Variants in HS2ST1 observed in about 807,000 individuals in gnomAD.
The protein encoded by HS2ST1 is heparan sulfate 2-O-sulfotransferase 1.
HS2ST1 carries 18 observed loss-of-function variants against 42.9 expected under a neutral mutation model. That is an observed-to-expected ratio of 0.42 (90% CI 0.29 to 0.62). HS2ST1 has a LOEUF of 0.62. Ranked by LOEUF, HS2ST1 falls within the 20% of genes least tolerant of loss-of-function variation. The probability of loss-of-function intolerance (pLI) is 0.21; values close to 1 mark genes in which losing one functional copy is unlikely to be tolerated. For missense variants in HS2ST1, 334 were observed against 433.8 expected (o/e 0.77, Z 2.04); for synonymous variants, 146 against 152.9 (o/e 0.95, Z 0.33).
At chr1:86,924,810 A>C (rs1660380937) in intron 1 of HS2ST1, among the ~76,000 whole-genome samples, 1 of 152,154 alleles carries the variant, frequency 6.6e-6, no homozygotes, top group South Asian at 2.1e-4. Flanking sequence ...ATGGGGGGGC[A>C]CTGACATGGA....
At chr1:87,096,274 C>G (rs1438231352) in intron 4 of HS2ST1, among the ~76,000 whole-genome samples, 1 of 152,078 alleles carries the variant, frequency 6.6e-6, no homozygotes, top group Non-Finnish European at 1.5e-5. Flanking sequence ...ACATTAAAAT[C>G]TATTGATATG....
chr1:87,056,549 G>A (rs912042504), intron 1 of HS2ST1, among the ~76,000 whole-genome samples: 2 of 152,166 alleles, frequency 1.3e-5, no homozygotes, highest in African/African-American at 2.4e-5. Flanking sequence ...AAAAATGAAT[G>A]AAGTGAACTT....
chr1:86,993,783 C>G (rs906739166), intron 1 of HS2ST1, among the ~76,000 whole-genome samples: 2 of 152,044 alleles, frequency 1.3e-5, no homozygotes, highest in African/African-American at 4.8e-5. Context: ...GGGGGACTTG[C>G]TTAAATAGTA....
intron 1 of HS2ST1, among the ~76,000 whole-genome samples, chr1:87,061,265 A>G (rs1346825262): frequency 1.3e-5 from 2 of 152,152 alleles, no homozygotes; most frequent in African/African-American, 2.4e-5. Flanking sequence ...TGAAACAAAC[A>G]TAAGTTAGCC....
intron 1 of HS2ST1, among the ~76,000 whole-genome samples, chr1:86,945,663 G>C (rs1647309853): frequency 6.6e-6 from 1 of 152,160 alleles, no homozygotes; most frequent in Non-Finnish European, 1.5e-5. Context: ...TACTTTAACA[G>C]GGAAGAACCA....
intron 1 of HS2ST1, among the ~76,000 whole-genome samples, chr1:87,007,992 TGTGGGTATATA>T (rs1263036992): frequency 1.3e-5 from 2 of 152,170 alleles, no homozygotes; most frequent in African/African-American, 4.8e-5. Flanking sequence ...TTGTAATTTT[TGTGGGTATATA>T]GTGGGTATAA....
rs1206646620 is a variant in HS2ST1 at position 87,064,535 on chromosome 1, T to A, written c.125-8399T>A. The stretch of plus-strand genomic sequence containing the variant: ...GTAAGTTTTAATGGTACCATATGCA[T>A]CCCTGTTGACTATCTGGAAACCACA... On this transcript the variant is annotated intron_variant, in intron 1 of 6. Transcript: ENST00000370550. The A allele has an allele frequency of 7.7e-6, 4 of 518,336 alleles. No individual in the cohort carries two copies. In the East Asian group the frequency reaches 1.6e-4, roughly 21 times the overall value. 32.1% of individuals were successfully genotyped at this position (518,336 alleles called of 1,614,324 possible). A position where few individuals can be genotyped will look rare whatever the true frequency, so the allele number is the denominator to read the frequency against.
intron 1 of HS2ST1, among the ~76,000 whole-genome samples, chr1:86,938,268 G>T (rs1001065516): frequency 2.0e-5 from 3 of 152,132 alleles, no homozygotes; most frequent in African/African-American, 7.2e-5. Flanking sequence ...TCTTGCTGAG[G>T]TACACAGCTT....
chr1:87,091,243 G>A (rs762322082), intron 3 of HS2ST1, among the ~76,000 whole-genome samples: 5 of 151,772 alleles, frequency 3.3e-5, no homozygotes, highest in Non-Finnish European at 5.9e-5. Context: ...AAATGAGAGC[G>A]GCACTCAAGG....
At chr1:87,046,168 T>C (rs961376790) in intron 1 of HS2ST1, 13 of 796,038 alleles carry the variant, frequency 1.6e-5, no homozygotes, top group Non-Finnish European at 2.6e-5. Context: ...GTTAATAGAG[T>C]GTGCCTGGCA....
rs577554224 is a variant in HS2ST1 at position 87,038,928 on chromosome 1, TA to T, written c.125-34000del. ...AGCTTTGAGTATATTGCCGTTTTTT[TA>T]AAAAAGTAATCTATAATTTTAATAT... On this transcript the variant is annotated intron_variant, in intron 1 of 6. Transcript: ENST00000370550. Among the ~76,000 whole-genome samples the T allele has an allele frequency of 3.8e-3, 584 of 152,260 alleles. 6 individuals are homozygous for T. The highest frequency in any genetic ancestry group is 2.0e-3 in the Non-Finnish European group (139 of 68,008).
At chr1:87,027,748 C>A (rs982056689) in intron 1 of HS2ST1, among the ~76,000 whole-genome samples, 3 of 152,162 alleles carry the variant, frequency 2.0e-5, no homozygotes, top group Admixed American at 2.0e-4. Context: ...AATGCAGTGG[C>A]ACGATCTTGG....
At chr1:87,024,890 C>T (rs1650045591) in intron 1 of HS2ST1, among the ~76,000 whole-genome samples, 1 of 152,074 alleles carries the variant, frequency 6.6e-6, no homozygotes, top group Admixed American at 6.6e-5. Context: ...AATATAATTT[C>T]TGAATTGTGA....
intron 1 of HS2ST1, among the ~76,000 whole-genome samples, chr1:86,918,963 T>A (rs952292399): frequency 2.3e-4 from 34 of 151,052 alleles, no homozygotes; most frequent in Non-Finnish European, 1.3e-4. Flanking sequence ...AAATTTTTTT[T>A]ATTTTTATTT....
At chr1:86,920,086 A>G (rs1419985057) in intron 1 of HS2ST1, among the ~76,000 whole-genome samples, 2 of 152,208 alleles carry the variant, frequency 1.3e-5, no homozygotes, top group Admixed American at 6.5e-5. Context: ...TGATAGAACT[A>G]TGTGCTTGGT....
At chr1:86,923,037 G>C (rs1660333571) in intron 1 of HS2ST1, among the ~76,000 whole-genome samples, 1 of 152,094 alleles carries the variant, frequency 6.6e-6, no homozygotes, top group Non-Finnish European at 1.5e-5. Context: ...GTGTGTGTGT[G>C]TTGTTTTAGA....
intron 1 of HS2ST1, among the ~76,000 whole-genome samples, chr1:86,928,938 C>T (rs1249069192): frequency 2.6e-5 from 4 of 151,782 alleles, no homozygotes; most frequent in Non-Finnish European, 4.4e-5. Flanking sequence ...AGATAAGATG[C>T]CATCGTGTGC....
intron 1 of HS2ST1, among the ~76,000 whole-genome samples, chr1:86,994,919 AATC>A (rs1649055766): frequency 1.3e-5 from 2 of 152,160 alleles, no homozygotes; most frequent in African/African-American, 4.8e-5. Context: ...TCAAATTTCA[AATC>A]ATCCTTTTCT....
At chr1:87,045,495 G>C (rs1650629473) in intron 1 of HS2ST1, 1 of 917,738 alleles carries the variant, frequency 1.1e-6, no homozygotes, top group African/African-American at 1.6e-5. Flanking sequence ...ACATTCAGCC[G>C]TACAGTCACC....
Sources: gnomAD v4.1 joint callset for allele counts (sites outside exome capture counted in the v4.1 genomes callset) on GRCh38, gnomAD v4.1.1 for gene constraint, MANE v1.5 for transcripts, NCBI Gene and HGNC (gene_info 2026-07-23, HGNC 2026-07-21) for gene names.